PCBP3: variants seen among roughly 807,000 people sequenced by gnomAD.
PCBP3 encodes poly(rC) binding protein 3.
In PCBP3, 25 loss-of-function variants were observed where a neutral mutation model predicts 52.7. That is an observed-to-expected ratio of 0.47 (90% CI 0.35 to 0.66). PCBP3 has a LOEUF of 0.66. PCBP3 is among the 30% of genes least tolerant of loss of function. The probability of loss-of-function intolerance (pLI) is 0.01; values close to 1 mark genes in which losing one functional copy is unlikely to be tolerated. For missense variants in PCBP3, 391 were observed against 490.3 expected, an observed-to-expected ratio of 0.80 and a Z score of 1.91; for synonymous variants, 162 against 183.0, an observed-to-expected ratio of 0.89 and a Z score of 0.93.
chr21:45,787,415 T>TC (rs1408630781), intron 4 of PCBP3, among the ~76,000 whole-genome samples: 1 of 151,994 alleles, frequency 6.6e-6, no homozygotes, highest in African/African-American at 2.4e-5. Flanking sequence ...TGGCTAATTT[T>TC]TTTTTTTTTT....
chr21:45,711,114 T>TCCTG (rs553267382), intron 2 of PCBP3, among the ~76,000 whole-genome samples: 59 of 152,276 alleles, frequency 3.9e-4, no homozygotes, highest in African/African-American at 1.3e-3. Flanking sequence ...ATCCAAGGAG[T>TCCTG]CCTGGTTCCT....
chr21:45,743,833 A>G (rs1023220285), intron 3 of PCBP3, among the ~76,000 whole-genome samples: 3 of 152,028 alleles, frequency 2.0e-5, no homozygotes, highest in Admixed American at 6.6e-5. Context: ...ATGATTTGAG[A>G]ATTGTCCCAT....
intron 13 of PCBP3, among the ~76,000 whole-genome samples, chr21:45,927,970 A>G (rs2075700410): frequency 2.6e-5 from 4 of 152,156 alleles, no homozygotes; most frequent in Admixed American, 2.6e-4. Flanking sequence ...CATCTGTGCC[A>G]TTCAGCGTCC....
chr21:45,937,776 A>C (rs565863684), intron 16 of PCBP3, among the ~76,000 whole-genome samples: 2 of 152,310 alleles, frequency 1.3e-5, no homozygotes, highest in Admixed American at 1.3e-4. Context: ...CCCTGCACTG[A>C]GCCAGCTGGC....
chr21:45,816,338 A>G (rs1227762899), intron 4 of PCBP3, among the ~76,000 whole-genome samples: 3 of 152,048 alleles, frequency 2.0e-5, no homozygotes. Flanking sequence ...CTCTTTTGTA[A>G]TAACGCTTAG....
rs1189915566 is a variant in PCBP3 at position 45,724,957 on chromosome 21, A to G, written c.-199-10435A>G. On this transcript the variant is annotated intron_variant, in intron 2 of 17. Coordinates refer to ENST00000681687, the MANE Select transcript of PCBP3 (RefSeq NM_001384156.1). This position sits in a 1 kb window ranked among gnomAD's most constrained non-coding sequence, Gnocchi z 5.3. ...TGATGAAAGTTACAGATAATAGCTC[A>G]AATAAACTGTTGTGAGCCGTTAAGT... 3.9e-5 allele frequency among the ~76,000 whole-genome samples: 6 copies of G among 152,218 alleles called. No homozygotes were observed. The highest frequency in any genetic ancestry group is 8.8e-5 in the Non-Finnish European group (6 of 68,034).
In PCBP3 at chr21:45,770,554, C is replaced by A. The variant is rs1603412171; in HGVS notation, c.-126+15102C>A. ...TTTCTTTCTTTCTGTTTGCTGCTCC[C>A]TGAAGGAGAAGTCAGTGCTGGTCTT... On this transcript the variant is annotated intron_variant, in intron 4 of 17. Transcript: ENST00000681687. Among the ~76,000 whole-genome samples, 3 of 152,190 alleles carry A rather than the reference C, an allele frequency of 2.0e-5. No individual in the cohort carries two copies. The South Asian group carries it at 6.2e-4, about 31-fold the overall frequency.
chr21:45,709,546 C>T (rs1303628348), intron 2 of PCBP3, among the ~76,000 whole-genome samples: 3 of 151,362 alleles, frequency 2.0e-5, no homozygotes, highest in South Asian at 2.1e-4. Flanking sequence ...CAGACTAAGA[C>T]GGGGACCTTT....
intron 7 of PCBP3, 69 bp downstream of exon 7, chr21:45,899,691 C>T (rs1367390958): frequency 1.3e-5 from 16 of 1,262,452 alleles, no homozygotes; most frequent in Non-Finnish European, 1.9e-5. Flanking sequence ...GGCAGCCTCC[C>T]TGGGTACTAG....
chr21:45,658,457 C>A (rs1569084641), intron 1 of PCBP3, among the ~76,000 whole-genome samples: 1 of 152,072 alleles, frequency 6.6e-6, no homozygotes. Context: ...GTGCGTGCCA[C>A]CATGCATGGC....
At chr21:45,744,455 T>C (rs2086680346) in intron 3 of PCBP3, 1 of 152,154 alleles carries the variant, frequency 6.6e-6, no homozygotes, top group Non-Finnish European at 1.5e-5. Flanking sequence ...CCACGTCCTC[T>C]CAAAGTGCTA....
At chr21:45,729,897 G>A (rs2085329733) in intron 2 of PCBP3, among the ~76,000 whole-genome samples, 1 of 151,878 alleles carries the variant, frequency 6.6e-6, no homozygotes, top group Middle Eastern at 3.2e-3. Context: ...AGGATTACAG[G>A]GATGTTCCAC....
At chr21:45,816,442 C>T (rs1215186991) in intron 4 of PCBP3, among the ~76,000 whole-genome samples, 2 of 104,708 alleles carry the variant, frequency 1.9e-5, no homozygotes, top group African/African-American at 7.5e-5. Flanking sequence ...TCCCCTTCCC[C>T]CTCCCCGTCC....
intron 13 of PCBP3, 25 bp from the exon 14 acceptor site, chr21:45,929,892 A>G: frequency 1.9e-6 from 3 of 1,581,286 alleles, no homozygotes; most frequent in Non-Finnish European, 2.6e-6. Flanking sequence ...TAACCTTCTT[A>G]GCTCTCGTGT....
chr21:45,720,074 T>C (rs1040486466), intron 2 of PCBP3, among the ~76,000 whole-genome samples: 1 of 152,200 alleles, frequency 6.6e-6, no homozygotes, highest in African/African-American at 2.4e-5. Context: ...GGGCTCAATA[T>C]GTTAAAAATA....
rs972663118 is a variant in PCBP3 at position 45,770,660 on chromosome 21, G to A, written c.-126+15208G>A. ...ACCGGGATCTCCTTTAAGGTTATTC[G>A]GACCCTGAGCTGGATGTGAAAGTAG... is the stretch of plus-strand genomic sequence containing the variant. On this transcript the variant is annotated intron_variant, in intron 4 of 17. Coordinates refer to ENST00000681687, the MANE Select transcript of PCBP3 (RefSeq NM_001384156.1). Among the ~76,000 whole-genome samples the A allele has an allele frequency of 5.3e-5, 8 of 152,230 alleles. No homozygotes were observed. In the South Asian group the frequency reaches 8.3e-4, roughly 16 times the overall value.
chr21:45,895,456 G>A (rs1025112977), intron 5 of PCBP3, among the ~76,000 whole-genome samples: 6 of 152,200 alleles, frequency 3.9e-5, no homozygotes, highest in Admixed American at 3.9e-4. Flanking sequence ...GTACCTCGGA[G>A]CAGGGTCCCC....
At chr21:45,857,257 C>T (rs2094335939) in intron 5 of PCBP3, among the ~76,000 whole-genome samples, 1 of 152,130 alleles carries the variant, frequency 6.6e-6, no homozygotes. Context: ...ATTTTGTATT[C>T]TTTGTCTCAT....
intron 4 of PCBP3, among the ~76,000 whole-genome samples, chr21:45,819,502 G>A (rs918221355): frequency 6.6e-6 from 1 of 152,242 alleles, no homozygotes; most frequent in African/African-American, 2.4e-5. Context: ...CACCTGGCAC[G>A]ACACTGCCGT....
Sources: gnomAD v4.1 joint callset for allele counts (sites outside exome capture counted in the v4.1 genomes callset) on GRCh38, gnomAD v4.1.1 for gene constraint, Gnocchi (gnomAD v3.1) non-coding constraint, MANE v1.5 for transcripts, NCBI Gene and HGNC (gene_info 2026-07-23, HGNC 2026-07-21) for gene names.